HDAC4: variants seen among roughly 807,000 people sequenced by gnomAD.
The protein encoded by HDAC4 is histone deacetylase A.
Under a neutral mutation model 135.1 loss-of-function variants are expected in HDAC4, and 16 were observed. The observed-to-expected ratio is 0.12, with a 90% CI of 0.08 to 0.18. The LOEUF (loss-of-function observed/expected upper bound fraction) is 0.18. Among genes scored for constraint, HDAC4 ranks in the 10% least tolerant of loss-of-function variants. The probability of loss-of-function intolerance (pLI) is 1.00; values close to 1 mark genes in which losing one functional copy is unlikely to be tolerated. For synonymous variants in HDAC4, 685 were observed against 653.4 expected, an observed-to-expected ratio of 1.05 and a Z score of -0.74; for missense variants, 1,143 against 1,511.8, an observed-to-expected ratio of 0.76 and a Z score of 4.05.
intron 3 of HDAC4, among the ~76,000 whole-genome samples, chr2:239,215,671 C>T (rs9941534): frequency 6.6e-6 from 1 of 152,182 alleles, no homozygotes; most frequent in African/African-American, 2.4e-5. Context: ...AATCTCCAGA[C>T]AGCAGACACC....
intron 22 of HDAC4, among the ~76,000 whole-genome samples, chr2:239,075,515 C>T (rs1346083576): frequency 3.3e-5 from 5 of 152,130 alleles, no homozygotes; most frequent in South Asian, 2.1e-4. Context: ...CCCCTGGGGC[C>T]GGCAAGCCCA....
At chr2:239,358,056 T>C (rs899056171) in intron 1 of HDAC4, among the ~76,000 whole-genome samples, 2 of 152,182 alleles carry the variant, frequency 1.3e-5, no homozygotes, top group African/African-American at 4.8e-5. Flanking sequence ...CGAAGCTCAC[T>C]GGAGAGAGAC....
rs781539116 is a variant in HDAC4, at chr2:239,066,810, C to T, written c.2915G>A (p.Arg972Gln). The T allele has an allele frequency of 2.2e-5, 35 of 1,613,282 alleles. No homozygotes were observed. The highest frequency in any genetic ancestry group is 9.3e-5 in the African/African-American group (7 of 74,922). ...GCCTCCCTCGAGGGCCAGGACAATC[C>T]GGCCGCCAGCCAGGCCCATCAGCTG... ...TKQLMGLAGG[R>Q]IVLALEGGHD... is the part of the protein sequence containing the mutation. Residue 972 changes from arginine to glutamine, a missense_variant, in exon 24 of 27, where the codon CGG becomes CAG. Around this residue, in one of 9 missense-constraint regions of HDAC4, gnomAD observed 189 missense variants for 317.6 expected, o/e 0.60. Coordinates refer to ENST00000543185, the MANE Select transcript of HDAC4 (RefSeq NM_001378414.1).
intron 3 of HDAC4, among the ~76,000 whole-genome samples, chr2:239,226,667 G>GGGA (rs547137428): frequency 1.2e-4 from 19 of 152,040 alleles, no homozygotes; most frequent in Non-Finnish European, 2.2e-4. Context: ...ACATGTAATG[G>GGGA]GGGGGGTGAT....
chr2:239,080,958 CA>C, intron 22 of HDAC4, 136 bp downstream of exon 22: 3 of 643,672 alleles, frequency 4.7e-6, no homozygotes, highest in Non-Finnish European at 8.2e-6. Context: ...TGAACTGAGA[CA>C]GCTCCTCCGG....
intron 1 of HDAC4, among the ~76,000 whole-genome samples, chr2:239,353,308 C>T (rs1693284397): frequency 6.6e-6 from 1 of 152,216 alleles, no homozygotes; most frequent in South Asian, 2.1e-4. Flanking sequence ...AGCCACCACG[C>T]CCCACCAACT....
chr2:239,052,924 G>A lies in HDAC4; in HGVS notation c.*173C>T, dbSNP rs2106382054. 8.1e-6 allele frequency: 6 copies of A among 737,750 alleles called. No homozygotes were observed. The highest frequency in any genetic ancestry group is 2.6e-5 in the East Asian group (1 of 37,850). 45.7% of individuals were successfully genotyped at this position (737,750 alleles called of 1,614,324 possible). A position where few individuals can be genotyped will look rare whatever the true frequency, so the allele number is the denominator to read the frequency against. On this transcript the variant is annotated 3_prime_UTR_variant, in exon 27 of 27. Transcript: ENST00000543185. Reference sequence around the variant, plus strand: ...ACGCCCAGGCGTGCATGTGCGTCTCGAGACCTGTGGGCCTGGGCGGCAGAA... The same window carrying A: ...ACGCCCAGGCGTGCATGTGCGTCTCAAGACCTGTGGGCCTGGGCGGCAGAA...
At chr2:239,253,816 A>T (rs1214580782) in intron 2 of HDAC4, among the ~76,000 whole-genome samples, 2 of 152,162 alleles carry the variant, frequency 1.3e-5, no homozygotes, top group Non-Finnish European at 2.9e-5. Flanking sequence ...CCCAAGAGTC[A>T]TCAGAACTGG....
chr2:239,060,033 C>T (rs911877777), intron 24 of HDAC4, among the ~76,000 whole-genome samples: 7 of 152,326 alleles, frequency 4.6e-5, no homozygotes, highest in South Asian at 2.1e-4. Flanking sequence ...GTGAAGGACA[C>T]GGGCTGGCCA....
rs529602498 is a variant in HDAC4, at chr2:239,324,978, A to G, written c.22+27700T>C. On this transcript the variant is annotated intron_variant, in intron 2 of 26. Transcript: ENST00000543185. Reference sequence around the variant, plus strand: ...TCCTCTAAGACACATGCTCTCTTACAGCAGCTAAAGGCAAGCAACATCCTC... The same window carrying G: ...TCCTCTAAGACACATGCTCTCTTACGGCAGCTAAAGGCAAGCAACATCCTC... 5.3e-5 allele frequency among the ~76,000 whole-genome samples: 8 copies of G among 152,366 alleles called. 1 individual carries two copies. The South Asian group carries it at 1.7e-3, about 32-fold the overall frequency.
At chr2:239,382,597 C>G (rs1345978211) in intron 1 of HDAC4, among the ~76,000 whole-genome samples, 1 of 152,254 alleles carries the variant, frequency 6.6e-6, no homozygotes, top group Non-Finnish European at 1.5e-5. Context: ...TACATGGGCC[C>G]CCAAACAGGG....
chr2:239,194,602 T>C (rs3791570), intron 3 of HDAC4, among the ~76,000 whole-genome samples: 2,702 of 152,208 alleles, frequency 0.018, 69 homozygotes, highest in East Asian at 0.12. Flanking sequence ...CACTCCCCAC[T>C]CCCAAAAGAC....
chr2:239,081,399 C>A (rs899499315), intron 21 of HDAC4, among the ~76,000 whole-genome samples: 1 of 152,202 alleles, frequency 6.6e-6, no homozygotes, highest in African/African-American at 2.4e-5. Flanking sequence ...AGCAAGGGGG[C>A]CCTTTTCCTG....
intron 2 of HDAC4, among the ~76,000 whole-genome samples, chr2:239,271,643 A>T (rs1019803202): frequency 4.6e-5 from 7 of 152,216 alleles, no homozygotes; most frequent in Non-Finnish European, 8.8e-5. Flanking sequence ...CCCATGTTAC[A>T]GACACAAAGC....
intron 2 of HDAC4, among the ~76,000 whole-genome samples, chr2:239,295,744 A>AACC (rs2051849061): frequency 1.3e-5 from 2 of 152,132 alleles, no homozygotes; most frequent in African/African-American, 4.8e-5. Context: ...TCCTCACCAA[A>AACC]ACCACCACCA....
chr2:239,177,602 C>A (rs2043856208), intron 4 of HDAC4, among the ~76,000 whole-genome samples: 1 of 152,174 alleles, frequency 6.6e-6, no homozygotes, highest in Admixed American at 6.5e-5. Flanking sequence ...GGCTGGCATT[C>A]TACCGAGTAT....
chr2:239,065,730 T>C (rs1193293511), intron 24 of HDAC4, among the ~76,000 whole-genome samples: 1 of 152,186 alleles, frequency 6.6e-6, no homozygotes, highest in East Asian at 1.9e-4. Context: ...TGCCCTCCGC[T>C]TCCTGTGGTC....
chr2:239,104,239 AT>A (rs914189877), intron 15 of HDAC4, among the ~76,000 whole-genome samples: 1 of 151,602 alleles, frequency 6.6e-6, no homozygotes, highest in Non-Finnish European at 1.5e-5. Flanking sequence ...ATTTTATTTT[AT>A]TTTTTTTGAA....
intron 7 of HDAC4, among the ~76,000 whole-genome samples, chr2:239,153,065 G>T (rs1559520776): frequency 6.6e-6 from 1 of 152,200 alleles, no homozygotes; most frequent in Non-Finnish European, 1.5e-5. Flanking sequence ...ACCTGGTCCT[G>T]CCCACAGGTG....
Sources: allele counts gnomAD v4.1 joint callset (sites outside exome capture counted in the v4.1 genomes callset), GRCh38; gene constraint gnomAD v4.1.1; regional missense constraint gnomAD v4.1.1; transcripts MANE v1.5; gene names NCBI Gene and HGNC (gene_info 2026-07-23, HGNC 2026-07-21).